KCTD20: variants seen among roughly 807,000 people sequenced by gnomAD.
KCTD20 encodes potassium channel tetramerization domain containing 20.
KCTD20 carries 30 observed loss-of-function variants against 39.6 expected under a neutral mutation model. That is an observed-to-expected ratio of 0.76 (90% CI 0.57 to 1.03). KCTD20 has a LOEUF of 1.03. KCTD20 is among the 50% of genes least tolerant of loss of function. The probability of loss-of-function intolerance (pLI) is 0.00; values close to 1 mark genes in which losing one functional copy is unlikely to be tolerated. For missense variants in KCTD20, 422 were observed against 522.0 expected (o/e 0.81, Z 1.87); for synonymous variants, 162 against 180.6 (o/e 0.90, Z 0.83).
At chr6:36,480,410 C>CTTTT (rs550520667) in intron 5 of KCTD20, among the ~76,000 whole-genome samples, 2 of 121,802 alleles carry the variant, frequency 1.6e-5, no homozygotes, top group African/African-American at 6.4e-5. Flanking sequence ...ATGATATTGC[C>CTTTT]TTTTTTTTTT....
In KCTD20 at chr6:36,487,967, G is replaced by A. The variant is rs1776476737; in HGVS notation, c.*792G>A. ...GGGTTATCCTGGCTTGGAATCTGGT[G>A]TGAAACCATAGGTCTTAACACTCTG... is the stretch of plus-strand genomic sequence containing the variant. On this transcript the variant is annotated 3_prime_UTR_variant, in exon 8 of 8. Coordinates refer to ENST00000373731, the MANE Select transcript of KCTD20 (RefSeq NM_173562.5). The A allele has an allele frequency of 6.6e-6, 1 of 152,224 alleles. No homozygotes were observed. Among genetic ancestry groups the A allele is most frequent in the African/African-American group, 2.4e-5 (1 of 41,458 alleles). 9.4% of individuals were successfully genotyped at this position (152,224 alleles called of 1,614,324 possible). A position where few individuals can be genotyped will look rare whatever the true frequency, so the allele number is the denominator to read the frequency against.
At chr6:36,448,015 G>GTGTATGTATATATA (rs559687288) in intron 1 of KCTD20, among the ~76,000 whole-genome samples, 47 of 128,930 alleles carry the variant, frequency 3.6e-4, no homozygotes, top group East Asian at 2.3e-3. Context: ...ATGTGTGTGT[G>GTGTATGTATATATA]TATATATATA....
intron 5 of KCTD20, 71 bp from the exon 6 acceptor site, chr6:36,481,491 A>G (rs1776247409): frequency 1.4e-5 from 16 of 1,134,092 alleles, no homozygotes; most frequent in Non-Finnish European, 1.9e-5. Flanking sequence ...CCATTCCCTC[A>G]TAGTCTTTTT....
At chr6:36,461,177 T>C (rs537358815) in intron 1 of KCTD20, among the ~76,000 whole-genome samples, 57 of 152,312 alleles carry the variant, frequency 3.7e-4, no homozygotes, top group Non-Finnish European at 7.6e-4. Flanking sequence ...TTGAGTAATT[T>C]GGTTTAGATT....
chr6:36,478,381 A>G (rs933795754), intron 3 of KCTD20, among the ~76,000 whole-genome samples: 19 of 152,264 alleles, frequency 1.2e-4, no homozygotes, highest in Middle Eastern at 6.8e-3. Context: ...GGGAGAGGCA[A>G]ATAAGAAAAG....
At chr6:36,452,543 T>C (rs1775287648) in intron 1 of KCTD20, 3 of 84,228 alleles carry the variant, frequency 3.6e-5, no homozygotes, top group Admixed American at 3.5e-4. Flanking sequence ...TTCATTTTCT[T>C]TTTTTTTTTT....
chr6:36,455,020 C>A (rs947031009), intron 1 of KCTD20, among the ~76,000 whole-genome samples: 28 of 152,134 alleles, frequency 1.8e-4, no homozygotes, highest in African/African-American at 6.5e-4. Flanking sequence ...CAATGGAAAA[C>A]CTGGGGTATT....
intron 1 of KCTD20, among the ~76,000 whole-genome samples, chr6:36,457,188 C>G (rs1351401389): frequency 6.6e-6 from 1 of 152,156 alleles, no homozygotes; most frequent in African/African-American, 2.4e-5. Context: ...CCCACCTTGG[C>G]TTCCTAAAGT....
At chr6:36,474,318 A>G (rs897714445) in intron 2 of KCTD20, among the ~76,000 whole-genome samples, 6 of 150,092 alleles carry the variant, frequency 4.0e-5, no homozygotes, top group Admixed American at 2.0e-4. Context: ...TAGTTTTGGC[A>G]CATATTAGTA....
intron 1 of KCTD20, among the ~76,000 whole-genome samples, chr6:36,465,926 A>C (rs567194037): frequency 6.6e-6 from 1 of 152,296 alleles, no homozygotes; most frequent in East Asian, 1.9e-4. Flanking sequence ...CTGCCTTTCC[A>C]AAGCAGTCTC....
At chr6:36,450,861 AAACT>A (rs1437795992) in intron 1 of KCTD20, 1 of 152,188 alleles carries the variant, frequency 6.6e-6, no homozygotes, top group African/African-American at 2.4e-5. Flanking sequence ...ATTTTCTCTT[AAACT>A]GTTTCAAGCA....
At chr6:36,444,779 C>T (rs902516206) in intron 1 of KCTD20, among the ~76,000 whole-genome samples, 1 of 152,206 alleles carries the variant, frequency 6.6e-6, no homozygotes, top group Non-Finnish European at 1.5e-5. Context: ...GAGTTGCATT[C>T]CTCCTTTGAG....
At chr6:36,453,537 G>A (rs1385944857) in intron 1 of KCTD20, among the ~76,000 whole-genome samples, 5 of 142,972 alleles carry the variant, frequency 3.5e-5, no homozygotes, top group Admixed American at 7.0e-5. Context: ...TTTTTGAGAC[G>A]GAGTTTTGCT....
intron 1 of KCTD20, among the ~76,000 whole-genome samples, chr6:36,462,999 G>A (rs1196139176): frequency 2.6e-5 from 4 of 152,228 alleles, no homozygotes; most frequent in Admixed American, 1.3e-4. Flanking sequence ...CCAAGGGAGT[G>A]TGTACAATTA....
intron 1 of KCTD20, among the ~76,000 whole-genome samples, chr6:36,459,194 C>A (rs557401623): frequency 1.0e-3 from 152 of 152,132 alleles, no homozygotes; most frequent in Non-Finnish European, 1.8e-3. Context: ...TGCCCATAAT[C>A]CCAGCTACTC....
At chr6:36,479,834 G>A (rs853881) in intron 5 of KCTD20, 123 bp downstream of exon 5, 53 of 760,324 alleles carry the variant, frequency 7.0e-5, no homozygotes, top group Non-Finnish European at 8.8e-5. Flanking sequence ...CTCTGTCGCC[G>A]AGGCTGGAGT....
chr6:36,477,973 T>C (rs1227972508), intron 3 of KCTD20, among the ~76,000 whole-genome samples: 1 of 150,976 alleles, frequency 6.6e-6, no homozygotes, highest in African/African-American at 2.4e-5. Context: ...CGGGCGCCTG[T>C]AGTCCCAACT....
intron 1 of KCTD20, among the ~76,000 whole-genome samples, chr6:36,449,513 T>A (rs1775171075): frequency 6.6e-6 from 1 of 152,202 alleles, no homozygotes; most frequent in African/African-American, 2.4e-5. Context: ...TTGGTGCATT[T>A]ATAATCCTTT....
chr6:36,450,512 G>T (rs183956831), intron 1 of KCTD20, among the ~76,000 whole-genome samples: 50 of 151,458 alleles, frequency 3.3e-4, no homozygotes, highest in Admixed American at 5.3e-4. Context: ...GAAAGGTTAT[G>T]TGTTGGGTAA....
Sources: gnomAD v4.1 joint callset for allele counts (sites outside exome capture counted in the v4.1 genomes callset) on GRCh38, gnomAD v4.1.1 for gene constraint, MANE v1.5 for transcripts, NCBI Gene and HGNC (gene_info 2026-07-23, HGNC 2026-07-21) for gene names.